The following DCC variants were observed in gnomAD, a reference collection of about 807,000 sequenced individuals.
The protein encoded by DCC is DCC netrin 1 receptor.
A neutral mutation model predicts 172.5 loss-of-function variants in DCC; 58 were observed. That is an observed-to-expected ratio of 0.34 (90% CI 0.27 to 0.42). The LOEUF (loss-of-function observed/expected upper bound fraction) is 0.42, where lower values mean the gene tolerates loss of function less well. Ranked by LOEUF, DCC falls within the 10% of genes least tolerant of loss-of-function variation. The pLI is 1.00. For missense variants in DCC, 1,740 were observed against 1,791.0 expected (o/e 0.97, Z 0.51); for synonymous variants, 709 against 644.5 (o/e 1.10, Z -1.52).
chr18:52,610,166 AAAAAAAAAAAAAATATATATATATAT>A (rs1223078366), intron 1 of DCC, among the ~76,000 whole-genome samples: 1,373 of 25,248 alleles, frequency 0.054, 90 homozygotes, highest in South Asian at 0.17. Context: ...AAAAAAAAAA[AAAAAAAAAAAAAATATATATATATAT>A]ATATATATAT....
intron 1 of DCC, among the ~76,000 whole-genome samples, chr18:52,588,638 A>C (rs760245673): frequency 1.3e-5 from 2 of 152,188 alleles, no homozygotes; most frequent in African/African-American, 2.4e-5. Flanking sequence ...AGGGTCAAGG[A>C]AATATTCTTG....
intron 1 of DCC, among the ~76,000 whole-genome samples, chr18:52,542,673 T>A (rs968135118): frequency 4.6e-5 from 7 of 152,094 alleles, no homozygotes; most frequent in Non-Finnish European, 1.5e-5. Context: ...CCGTCTCTAC[T>A]AAAACTACAA....
At chr18:53,511,190 T>C (rs1768966137) in intron 27 of DCC, among the ~76,000 whole-genome samples, 1 of 152,234 alleles carries the variant, frequency 6.6e-6, no homozygotes. Flanking sequence ...CCTTTCTCTC[T>C]CTAGGTTTTA....
chr18:53,436,094 A>T (rs1289513570), intron 22 of DCC, among the ~76,000 whole-genome samples: 2 of 152,184 alleles, frequency 1.3e-5, no homozygotes, highest in East Asian at 3.8e-4. Flanking sequence ...GTGTTTTCTC[A>T]CATGCTTCTT....
rs1461141401 is a variant in DCC at position 53,206,598 on chromosome 18, AATAC to A, written c.1723-1077_1723-1074del. Among the ~76,000 whole-genome samples, 5 of 76,402 alleles carry A rather than the reference AATAC, an allele frequency of 6.5e-5. No individual in the cohort carries two copies. The East Asian group carries it at 8.3e-4, about 13-fold the overall frequency. The allele number at this position is 76,402 out of a possible 152,430, so 50.1% of individuals were successfully genotyped here. On this transcript the variant is annotated intron_variant, in intron 10 of 28. Coordinates refer to ENST00000442544, the MANE Select transcript of DCC (RefSeq NM_005215.4). ...CATATCTATACATCTATATGTATAT[AATAC>A]ATATCTATGTATAATATATAATACA...
At chr18:53,501,027 C>A (rs1160480403) in intron 27 of DCC, among the ~76,000 whole-genome samples, 1 of 152,076 alleles carries the variant, frequency 6.6e-6, no homozygotes, top group Admixed American at 6.6e-5. Flanking sequence ...AATTCTGGTG[C>A]CAAGAGTATG....
intron 2 of DCC, among the ~76,000 whole-genome samples, chr18:52,834,451 C>T (rs986554243): frequency 6.6e-6 from 1 of 152,158 alleles, no homozygotes; most frequent in Admixed American, 6.5e-5. Context: ...CACAAGTCCT[C>T]TGGGTGAGTC....
At chr18:53,261,791 G>A (rs969598734) in intron 12 of DCC, among the ~76,000 whole-genome samples, 26 of 152,084 alleles carry the variant, frequency 1.7e-4, no homozygotes, top group Non-Finnish European at 3.1e-4. Flanking sequence ...GAGCCACTGC[G>A]ACCGGCCATT....
At chr18:52,342,610 C>G (rs17816118) in intron 1 of DCC, among the ~76,000 whole-genome samples, 23,408 of 152,176 alleles carry the variant, frequency 0.15, 2,249 homozygotes, top group South Asian at 0.25. Context: ...TTTGGGAGAC[C>G]TATGCGGACG....
intron 1 of DCC, among the ~76,000 whole-genome samples, chr18:52,600,852 T>C (rs10515954): frequency 0.079 from 12,079 of 152,168 alleles, 597 homozygotes; most frequent in South Asian, 0.17. Context: ...TTGAATAACA[T>C]TTGTGGCTTG....
At chr18:53,199,974 T>C (rs1209408609) in intron 9 of DCC, among the ~76,000 whole-genome samples, 3 of 152,162 alleles carry the variant, frequency 2.0e-5, no homozygotes, top group Admixed American at 6.6e-5. Context: ...GGCAGTCATT[T>C]CTCAGGAAAC....
At chr18:52,461,516 A>G (rs1988630400) in intron 1 of DCC, among the ~76,000 whole-genome samples, 2 of 152,290 alleles carry the variant, frequency 1.3e-5, no homozygotes, top group East Asian at 1.9e-4. Flanking sequence ...TATGTGCTAG[A>G]TTTTATATGA....
At chr18:52,615,139 C>G (rs2034355964) in intron 1 of DCC, among the ~76,000 whole-genome samples, 1 of 152,136 alleles carries the variant, frequency 6.6e-6, no homozygotes, top group Non-Finnish European at 1.5e-5. Context: ...GTAAAAGCAT[C>G]ATTTTCCTGA....
intron 1 of DCC, among the ~76,000 whole-genome samples, chr18:52,422,162 A>C (rs993044699): frequency 9.2e-5 from 14 of 152,218 alleles, no homozygotes; most frequent in African/African-American, 3.4e-4. Context: ...AAGAAAAGTG[A>C]GTGAATGCGT....
chr18:53,260,291 G>C (rs2056579164), intron 12 of DCC, among the ~76,000 whole-genome samples: 1 of 152,068 alleles, frequency 6.6e-6, no homozygotes, highest in African/African-American at 2.4e-5. Flanking sequence ...GATTTTTAGA[G>C]TTTCCAGTTT....
At chr18:52,819,036 G>A (rs1212035166) in intron 2 of DCC, among the ~76,000 whole-genome samples, 3 of 152,094 alleles carry the variant, frequency 2.0e-5, no homozygotes, top group African/African-American at 7.2e-5. Context: ...AAACTGGAGG[G>A]GTTACAAAAG....
intron 1 of DCC, among the ~76,000 whole-genome samples, chr18:52,524,483 T>G (rs1203925251): frequency 2.0e-5 from 3 of 152,202 alleles, no homozygotes; most frequent in African/African-American, 7.2e-5. Context: ...TATGCCAACT[T>G]TTTGGAAGCA....
At chr18:52,749,359 C>T (rs2036960574) in intron 1 of DCC, among the ~76,000 whole-genome samples, 2 of 152,060 alleles carry the variant, frequency 1.3e-5, no homozygotes, top group African/African-American at 4.8e-5. Context: ...CACTGGGGAC[C>T]CACCCCTGTC....
At chr18:52,531,634 A>G (rs1250680932) in intron 1 of DCC, among the ~76,000 whole-genome samples, 2 of 152,042 alleles carry the variant, frequency 1.3e-5, no homozygotes, top group African/African-American at 4.8e-5. Context: ...TGGTCTCCAT[A>G]GTTTTAATGA....
Sources: gnomAD v4.1 joint callset for allele counts (sites outside exome capture counted in the v4.1 genomes callset) on GRCh38, gnomAD v4.1.1 for gene constraint, MANE v1.5 for transcripts, NCBI Gene and HGNC (gene_info 2026-07-23, HGNC 2026-07-21) for gene names.